IKZF2: variants seen among roughly 807,000 people sequenced by gnomAD.
IKZF2 encodes the protein IKAROS family zinc finger 2.
IKZF2 carries 15 observed loss-of-function variants against 49.2 expected under a neutral mutation model. The ratio of observed to expected loss-of-function variants is 0.30; its 90% confidence interval spans 0.20 to 0.47. The LOEUF (loss-of-function observed/expected upper bound fraction) is 0.47. IKZF2 is among the 20% of genes least tolerant of loss of function. The pLI, the probability that IKZF2 is intolerant of heterozygous loss-of-function variation, is 1.00. For missense variants in IKZF2, 567 were observed against 664.6 expected, an observed-to-expected ratio of 0.85 and a Z score of 1.61; for synonymous variants, 227 against 221.4, an observed-to-expected ratio of 1.03 and a Z score of -0.23.
intron 4 of IKZF2, among the ~76,000 whole-genome samples, chr2:213,122,190 T>C (rs2060080519): frequency 6.6e-6 from 1 of 152,320 alleles, no homozygotes; most frequent in Non-Finnish European, 1.5e-5. Context: ...CAACTCTCCC[T>C]GCCTACCACC....
intron 4 of IKZF2, among the ~76,000 whole-genome samples, chr2:213,081,912 T>C (rs1703996216): frequency 6.6e-6 from 1 of 152,170 alleles, no homozygotes; most frequent in Non-Finnish European, 1.5e-5. Context: ...ATTAAGGATA[T>C]TCAATTGTAA....
chr2:213,093,595 C>T (rs1705604635), intron 4 of IKZF2, among the ~76,000 whole-genome samples: 1 of 152,134 alleles, frequency 6.6e-6, no homozygotes, highest in African/African-American at 2.4e-5. Context: ...TATGTGCTTA[C>T]ATTTTTAATG....
intron 4 of IKZF2, among the ~76,000 whole-genome samples, chr2:213,087,354 A>G (rs1266288245): frequency 1.3e-5 from 2 of 152,208 alleles, no homozygotes; most frequent in Non-Finnish European, 1.5e-5. Flanking sequence ...ACACGTACGC[A>G]TAAAATTCAA....
Position 213,013,863 on chromosome 2 carries a change from T to G in IKZF2, c.784A>C (p.Arg262=). Residue 262 remains arginine, a synonymous_variant, in exon 8 of 9, where the codon AGA becomes CGA. Transcript: ENST00000434687. ...GTGAGCTTCTCTATGACAGCAGGTC[T>G]CTCAAAAGGCACCAGAGAAATATTG... ...DNNISLVPFE[R]PAVIEKLTGN... is the part of the protein sequence containing the mutation. 3 of 1,612,096 alleles carry G rather than the reference T, an allele frequency of 1.9e-6. No individual in the cohort carries two copies. The highest frequency in any genetic ancestry group is 2.5e-6 in the Non-Finnish European group (3 of 1,178,526).
chr2:213,137,645 T>C (rs2060724338), intron 4 of IKZF2, among the ~76,000 whole-genome samples: 1 of 152,122 alleles, frequency 6.6e-6, no homozygotes, highest in South Asian at 2.1e-4. Flanking sequence ...TCAGACCATC[T>C]GAATAATAAG....
intron 8 of IKZF2, among the ~76,000 whole-genome samples, chr2:213,011,344 C>A (rs974379781): frequency 6.6e-6 from 1 of 151,042 alleles, no homozygotes; most frequent in African/African-American, 2.4e-5. Context: ...ATAGGAAATG[C>A]CCAATAGAGG....
chr2:213,064,361 C>T (rs1445829946), intron 4 of IKZF2, among the ~76,000 whole-genome samples: 1 of 151,898 alleles, frequency 6.6e-6, no homozygotes, highest in African/African-American at 2.4e-5. Flanking sequence ...ATTTTATCTA[C>T]ATTTAAACAG....
chr2:213,049,903 G>A, intron 5 of IKZF2, 23 bp from the exon 6 acceptor site: 1 of 1,516,714 alleles, frequency 6.6e-7, no homozygotes, highest in Non-Finnish European at 8.9e-7. Flanking sequence ...GAAGAAATGG[G>A]AAGTATCAAC....
At chr2:213,037,633 C>T (rs546040212) in intron 6 of IKZF2, among the ~76,000 whole-genome samples, 45 of 152,272 alleles carry the variant, frequency 3.0e-4, no homozygotes, top group South Asian at 1.2e-3. Context: ...ATCCCATCTC[C>T]TTTCTTCAGT....
chr2:213,026,791 T>C (rs1220626723), intron 6 of IKZF2, among the ~76,000 whole-genome samples: 3 of 152,114 alleles, frequency 2.0e-5, no homozygotes, highest in South Asian at 2.1e-4. Context: ...TACTGAACAA[T>C]ATATTTTGAA....
chr2:213,063,226 T>G (rs1701865521), intron 4 of IKZF2, among the ~76,000 whole-genome samples: 1 of 151,946 alleles, frequency 6.6e-6, no homozygotes, highest in African/African-American at 2.4e-5. Context: ...TTTCTCTCCA[T>G]CCTCTTTCTT....
chr2:213,124,358 AAAG>A (rs773319487), intron 4 of IKZF2, among the ~76,000 whole-genome samples: 30 of 152,108 alleles, frequency 2.0e-4, no homozygotes, highest in Non-Finnish European at 4.0e-4. Flanking sequence ...GGCAAAAAGC[AAAG>A]AAGATCAATC....
chr2:213,130,230 T>C (rs1199405308), intron 4 of IKZF2, among the ~76,000 whole-genome samples: 1 of 152,114 alleles, frequency 6.6e-6, no homozygotes, highest in African/African-American at 2.4e-5. Context: ...ATAAAAACAC[T>C]TGGTAAAAAC....
rs894858126 is a variant in IKZF2, at chr2:213,096,779, G to A, written c.140-39680C>T. The stretch of plus-strand genomic sequence containing the variant: ...TAAAGTTCCCATATATAAAACTGCC[G>A]TCCAAAATGAGGTGTCAATTTAAAC... On this transcript the variant is annotated intron_variant, in intron 4 of 8. Coordinates refer to ENST00000434687, the MANE Select transcript of IKZF2 (RefSeq NM_001387220.1). 6.6e-5 allele frequency among the ~76,000 whole-genome samples: 10 copies of A among 152,006 alleles called. 1 individual carries two copies. The highest frequency in any genetic ancestry group is 6.2e-4 in the South Asian group (3 of 4,824).
chr2:213,048,152 A>G (rs1700344180), intron 6 of IKZF2, among the ~76,000 whole-genome samples: 1 of 152,118 alleles, frequency 6.6e-6, no homozygotes, highest in Non-Finnish European at 1.5e-5. Flanking sequence ...TAGGGACTCC[A>G]TTAAACTCTC....
chr2:213,084,339 G>A (rs1168654849), intron 4 of IKZF2, among the ~76,000 whole-genome samples: 1 of 152,040 alleles, frequency 6.6e-6, no homozygotes, highest in Non-Finnish European at 1.5e-5. Context: ...ACCTCACACA[G>A]TACCTAACAT....
chr2:213,016,482 A>G (rs1696617488), intron 7 of IKZF2, among the ~76,000 whole-genome samples: 1 of 152,140 alleles, frequency 6.6e-6, no homozygotes, highest in African/African-American at 2.4e-5. Context: ...TATGTAACCA[A>G]TCTGATTTTG....
chr2:213,131,203 A>G (rs1446073461), intron 4 of IKZF2, among the ~76,000 whole-genome samples: 1 of 152,158 alleles, frequency 6.6e-6, no homozygotes, highest in East Asian at 1.9e-4. Context: ...CAACTCCTCT[A>G]AGAAAATGGA....
chr2:213,025,573 A>C (rs1574523380), intron 6 of IKZF2, among the ~76,000 whole-genome samples: 1 of 152,140 alleles, frequency 6.6e-6, no homozygotes, highest in East Asian at 1.9e-4. Flanking sequence ...TGTTTTACTC[A>C]ATTTTAAATT....
Sources: allele counts gnomAD v4.1 joint callset (sites outside exome capture counted in the v4.1 genomes callset), GRCh38; gene constraint gnomAD v4.1.1; transcripts MANE v1.5; gene names NCBI Gene and HGNC (gene_info 2026-07-23, HGNC 2026-07-21).